The following CCSER2 variants were observed in gnomAD, a reference collection of about 807,000 sequenced individuals.
CCSER2 encodes serine-rich coiled-coil domain-containing protein 2.
In CCSER2, 46 loss-of-function variants were observed where a neutral mutation model predicts 92.3. The ratio of observed to expected loss-of-function variants is 0.50; its 90% CI spans 0.39 to 0.64. The LOEUF is 0.64. Among genes scored for constraint, CCSER2 ranks in the 30% least tolerant of loss-of-function variants. The probability of loss-of-function intolerance (pLI) is 0.00; values close to 1 mark genes in which losing one functional copy is unlikely to be tolerated. For synonymous variants in CCSER2, 433 were observed against 431.4 expected (o/e 1.00, Z -0.04); for missense variants, 1,244 against 1,238.9 (o/e 1.00, Z -0.06).
rs1448195281 is a variant in CCSER2 at position 84,457,216 on chromosome 10, TACATATTATATATAA to T, written c.2065-6715_2065-6701del. ...TCCATGTCTTCTTTTATATATATAT[TACATATTATATATAA>T]ATATATTATATATTATATATTATAT... On this transcript the variant is annotated intron_variant, in intron 6 of 9. Transcript: ENST00000372088. Among the ~76,000 whole-genome samples, 16 of 108,020 alleles carry T rather than the reference TACATATTATATATAA, an allele frequency of 1.5e-4. 1 individual carries two copies. The highest frequency in any genetic ancestry group is 2.9e-4 in the Non-Finnish European group (16 of 56,088). The allele number at this position is 108,020 out of a possible 152,430, so 70.9% of individuals were successfully genotyped here.
At chr10:84,435,638 C>CAAA (rs5786657) in intron 5 of CCSER2, among the ~76,000 whole-genome samples, 2 of 106,838 alleles carry the variant, frequency 1.9e-5, no homozygotes, top group Admixed American at 1.7e-4. Context: ...CCATTCAGTG[C>CAAA]AAAAAAAAAA....
intron 3 of CCSER2, among the ~76,000 whole-genome samples, chr10:84,406,302 T>G (rs1842373287): frequency 1.3e-5 from 2 of 152,212 alleles, no homozygotes; most frequent in Admixed American, 6.5e-5. Flanking sequence ...TGTGAGGGAC[T>G]TCTTCGAGGG....
intron 3 of CCSER2, among the ~76,000 whole-genome samples, chr10:84,406,556 A>C (rs1842387495): frequency 6.6e-6 from 1 of 152,180 alleles, no homozygotes; most frequent in South Asian, 2.1e-4. Context: ...GTTCTATGGT[A>C]AACCTGCTCA....
intron 3 of CCSER2, among the ~76,000 whole-genome samples, chr10:84,385,884 GA>G (rs1053340092): frequency 6.6e-6 from 1 of 150,732 alleles, no homozygotes; most frequent in Non-Finnish European, 1.5e-5. Flanking sequence ...AACTCAACAA[GA>G]AAAAAAATGT....
chr10:84,502,603 C>T (rs1425363381), intron 9 of CCSER2, among the ~76,000 whole-genome samples: 3 of 151,950 alleles, frequency 2.0e-5, no homozygotes, highest in Non-Finnish European at 4.4e-5. Flanking sequence ...AAACTTCTGA[C>T]CTTGTGATCT....
At chr10:84,463,817 C>G in intron 6 of CCSER2, 116 bp from the exon 7 acceptor site, 1 of 636,542 alleles carries the variant, frequency 1.6e-6, no homozygotes, top group Non-Finnish European at 2.8e-6. Flanking sequence ...TTGTTCTTCA[C>G]CATGCTAGCA....
intron 8 of CCSER2, among the ~76,000 whole-genome samples, chr10:84,477,247 A>T (rs986115100): frequency 1.3e-5 from 2 of 152,202 alleles, no homozygotes; most frequent in East Asian, 3.8e-4. Flanking sequence ...ATTATTCAAA[A>T]TTCTAACCTT....
chr10:84,434,413 G>A (rs889846472), intron 5 of CCSER2, among the ~76,000 whole-genome samples: 1 of 151,866 alleles, frequency 6.6e-6, no homozygotes, highest in African/African-American at 2.4e-5. Context: ...CCCTCTTTCT[G>A]TCTCTTAGAT....
Position 84,499,801 on chromosome 10 carries a change from A to G in CCSER2, c.2326-13648A>G. 4 of 1,461,152 alleles carry G rather than the reference A, an allele frequency of 2.7e-6. No individual in the cohort carries two copies. The Admixed American group carries it at 6.9e-5, about 25-fold the overall frequency. 90.5% of individuals were successfully genotyped at this position (1,461,152 alleles called of 1,614,324 possible). ...CTCTGTGTTATTTAAAAGTAAAACA[A>G]AGTATGACTTGGTTTCTCTATTTTT... is the stretch of plus-strand genomic sequence containing the variant. On this transcript the variant is annotated intron_variant, in intron 9 of 9. Transcript: ENST00000372088.
At chr10:84,504,696 A>G (rs1313211844) in intron 9 of CCSER2, among the ~76,000 whole-genome samples, 1 of 152,228 alleles carries the variant, frequency 6.6e-6, no homozygotes, top group East Asian at 1.9e-4. Context: ...AGAAAGGGGA[A>G]AAGACTAATA....
intron 5 of CCSER2, among the ~76,000 whole-genome samples, chr10:84,430,213 T>G (rs1373924022): frequency 6.6e-6 from 1 of 152,118 alleles, no homozygotes; most frequent in Non-Finnish European, 1.5e-5. Flanking sequence ...GCCTTGGCCT[T>G]CACTTCCTGC....
At chr10:84,374,071 A>C in intron 3 of CCSER2, 1 of 799,870 alleles carries the variant, frequency 1.3e-6, no homozygotes, top group South Asian at 2.2e-5. Context: ...CTATATTAGT[A>C]GTTTAATCTA....
chr10:84,410,671 G>A (rs1055600598), intron 3 of CCSER2, among the ~76,000 whole-genome samples: 9 of 152,178 alleles, frequency 5.9e-5, no homozygotes, highest in African/African-American at 1.9e-4. Flanking sequence ...CTAGACCTTT[G>A]TCAGACGGAT....
chr10:84,488,709 C>A (rs1847958542), intron 9 of CCSER2, among the ~76,000 whole-genome samples: 1 of 151,954 alleles, frequency 6.6e-6, no homozygotes, highest in Non-Finnish European at 1.5e-5. Flanking sequence ...TTCATTGATT[C>A]TTTTGAAGGA....
At chr10:84,408,846 A>G (rs1842502478) in intron 3 of CCSER2, among the ~76,000 whole-genome samples, 1 of 152,100 alleles carries the variant, frequency 6.6e-6, no homozygotes, top group Non-Finnish European at 1.5e-5. Flanking sequence ...ACACACATAC[A>G]CAAACAGCCA....
At chr10:84,340,031 C>T (rs1227443804) in intron 1 of CCSER2, among the ~76,000 whole-genome samples, 6 of 151,650 alleles carry the variant, frequency 4.0e-5, no homozygotes, top group East Asian at 1.9e-4. Flanking sequence ...TTAGCAGAGG[C>T]GGGGTTTCAC....
rs567829042 is a variant in CCSER2 at position 84,383,283 on chromosome 10, A to C, written c.1614+9468A>C. On this transcript the variant is annotated intron_variant, in intron 3 of 9. Coordinates refer to ENST00000372088, the MANE Select transcript of CCSER2 (RefSeq NM_001284240.2). ...TGGGTTATTTAACTCTAAGGAAGAG[A>C]CCAGAGATGCTTTGATCTTTTTATT... Among the ~76,000 whole-genome samples, 4 of 151,570 alleles carry C rather than the reference A, an allele frequency of 2.6e-5. No homozygotes were observed. In the East Asian group the frequency reaches 7.8e-4, roughly 29 times the overall value.
At chr10:84,368,393 C>G (rs1845893663) in intron 1 of CCSER2, among the ~76,000 whole-genome samples, 1 of 151,616 alleles carries the variant, frequency 6.6e-6, no homozygotes. Flanking sequence ...TGAAAAAAAC[C>G]ACATACACAC....
intron 3 of CCSER2, among the ~76,000 whole-genome samples, chr10:84,386,841 AT>A (rs940758174): frequency 6.6e-6 from 1 of 152,180 alleles, no homozygotes; most frequent in Non-Finnish European, 1.5e-5. Context: ...GAAACAGGAA[AT>A]CATATACTGC....
Sources: gnomAD v4.1 joint callset for allele counts (sites outside exome capture counted in the v4.1 genomes callset) on GRCh38, gnomAD v4.1.1 for gene constraint, MANE v1.5 for transcripts, NCBI Gene and HGNC (gene_info 2026-07-23, HGNC 2026-07-21) for gene names.